CHST3: variants seen among roughly 807,000 people sequenced by gnomAD.
CHST3 encodes the protein C6ST-1.
A neutral mutation model predicts 35.4 loss-of-function variants in CHST3; 20 were observed. The ratio of observed to expected loss-of-function variants is 0.57; its 90% CI spans 0.40 to 0.82. The LOEUF (loss-of-function observed/expected upper bound fraction) is 0.82. CHST3 is among the 40% of genes least tolerant of loss of function. CHST3 has a pLI of 0.00. For synonymous variants in CHST3, 334 were observed against 295.9 expected, an observed-to-expected ratio of 1.13 and a Z score of -1.32; for missense variants, 693 against 670.1, an observed-to-expected ratio of 1.03 and a Z score of -0.38.
intron 1 of CHST3, among the ~76,000 whole-genome samples, chr10:71,988,905 G>GT (rs1839873358): frequency 6.6e-6 from 1 of 152,152 alleles, no homozygotes; most frequent in African/African-American, 2.4e-5. Flanking sequence ...GCTCACACCT[G>GT]TAATCCCAGC....
intron 1 of CHST3, among the ~76,000 whole-genome samples, chr10:72,004,506 AT>A (rs940674977): frequency 3.3e-5 from 5 of 152,022 alleles, no homozygotes; most frequent in African/African-American, 1.2e-4. Context: ...GCGCTATGAT[AT>A]TTTTTTCTTT....
At chr10:71,998,660 CT>C (rs1054247172) in intron 1 of CHST3, among the ~76,000 whole-genome samples, 2 of 152,234 alleles carry the variant, frequency 1.3e-5, no homozygotes, top group African/African-American at 4.8e-5. Flanking sequence ...AGCCCCACCC[CT>C]GCCAGGCTGG....
rs80205085 is a variant in CHST3 at position 71,974,946 on chromosome 10, C to G, written c.-108+10252C>G. Among the ~76,000 whole-genome samples the G allele has an allele frequency of 9.4e-3, 1,429 of 152,286 alleles. 43 individuals are homozygous for G. The highest frequency in any genetic ancestry group is 0.061 in the Admixed American group (932 of 15,300). ...AGTGGTGATGGGCATGAAGAGCTTC[C>G]AGAAGGGCTTCCATGCCAAGCCCTT... is the stretch of plus-strand genomic sequence containing the variant. On this transcript the variant is annotated intron_variant, in intron 1 of 2. Transcript: ENST00000373115.
At chr10:72,006,039 A>G in intron 2 of CHST3, 57 bp downstream of exon 2, 16 of 772,528 alleles carry the variant, frequency 2.1e-5, no homozygotes, top group Middle Eastern at 2.6e-4. Context: ...GGGTGGGGAC[A>G]GGGAGGTAAC....
rs1840099260 is a variant in CHST3, at chr10:72,010,567, C to G, written c.*2096C>G. 6.6e-6 allele frequency: 1 copy of G among 152,222 alleles called. No individual in the cohort carries two copies. Among genetic ancestry groups the G allele is most frequent in the Non-Finnish European group, 1.5e-5 (1 of 68,062 alleles). 9.4% of individuals were successfully genotyped at this position (152,222 alleles called of 1,614,324 possible). ...TCTGTCACTGTGGACTCCAGTCATT[C>G]AAGGAGGTCTCCACTCTTGGGTTTT... On this transcript the variant is annotated 3_prime_UTR_variant, in exon 3 of 3. Transcript: ENST00000373115.
chr10:72,007,667 G>A lies in CHST3; in HGVS notation c.636G>A (p.Glu212=), dbSNP rs1476784870. The stretch of plus-strand genomic sequence containing the variant: ...AGCACTTCATCACGCCGCTGCCCGA[G>A]GACCACCTGACTCAGTTCATGTTCC... ...VLEHFITPLP[E]DHLTQFMFRR... Residue 212 remains glutamate, a synonymous_variant, in exon 3 of 3, where the codon GAG becomes GAA. Transcript: ENST00000373115. 1 of 1,609,344 alleles carries A rather than the reference G, an allele frequency of 6.2e-7. No individual in the cohort carries two copies. The highest frequency in any genetic ancestry group is 1.1e-5 in the South Asian group (1 of 90,904).
rs375097897 is a variant in CHST3 at position 71,975,973 on chromosome 10, G to A, written c.-108+11279G>A. The stretch of plus-strand genomic sequence containing the variant: ...TGGCCTGAGCTCCCGCGGTAGAACC[G>A]AGACTCAAGTCTTCTTTCTGCAGGC... On this transcript the variant is annotated intron_variant, in intron 1 of 2. Coordinates refer to ENST00000373115, the MANE Select transcript of CHST3 (RefSeq NM_004273.5). Among the ~76,000 whole-genome samples the A allele has an allele frequency of 3.3e-4, 50 of 152,346 alleles. No individual in the cohort carries two copies. The East Asian group carries it at 7.7e-3, about 24-fold the overall frequency.
At chr10:71,999,780 G>A (rs747834830) in intron 1 of CHST3, among the ~76,000 whole-genome samples, 8 of 152,332 alleles carry the variant, frequency 5.3e-5, no homozygotes, top group Non-Finnish European at 7.3e-5. Context: ...GCCAAGTCAC[G>A]AGGGAGGCCT....
chr10:72,005,908 C>G lies in CHST3; in HGVS notation c.66C>G (p.Ser22Arg). 6.2e-7 allele frequency: 1 copy of G among 1,614,140 alleles called. No homozygotes were observed. Among genetic ancestry groups the G allele is most frequent in the Non-Finnish European group, 8.5e-7 (1 of 1,180,008 alleles). Residue 22 changes from serine (S) to arginine (R), a missense_variant, in exon 2 of 3, where the codon AGC becomes AGG. By Grantham distance (110) the Ser-to-Arg change is moderately radical. Transcript: ENST00000373115. ...TTGTGCACAGCCTGAAGATGAGAAG[C>G]AAATACGCCCTTTTCTTGGTTTTTG... ...RDFVHSLKMRSKYALFLVFVV... is the reference protein window; with the variant it reads ...RDFVHSLKMRRKYALFLVFVV...
In CHST3 at chr10:72,008,087, G is replaced by C. The variant is rs779966805; in HGVS notation, c.1056G>C (p.Ala352=). The C allele has an allele frequency of 1.2e-4, 185 of 1,545,464 alleles. No individual in the cohort carries two copies. Among genetic ancestry groups the C allele is most frequent in the Non-Finnish European group, 1.6e-4 (183 of 1,144,010 alleles). ...ACTGCGAGAGCATCCGCCTGTCCGC[G>C]GAGCTGGGGCTGCGGCAGCCCGCCT... ...RGNCESIRLS[A]ELGLRQPAWL... Residue 352 remains alanine (A), a synonymous_variant, in exon 3 of 3, where the codon GCG becomes GCC. Transcript: ENST00000373115.
chr10:72,004,892 G>C (rs906960908), intron 1 of CHST3, among the ~76,000 whole-genome samples: 3 of 152,206 alleles, frequency 2.0e-5, no homozygotes, highest in Non-Finnish European at 2.9e-5. Context: ...CACTTTGGGA[G>C]GCCGAGGCAG....
In CHST3 at chr10:72,010,877, C is replaced by T. The variant is rs1213660976; in HGVS notation, c.*2406C>T. The T allele has an allele frequency of 6.6e-6, 1 of 152,258 alleles. No homozygotes were observed. The highest frequency in any genetic ancestry group is 2.4e-5 in the African/African-American group (1 of 41,416). 9.4% of individuals were successfully genotyped at this position (152,258 alleles called of 1,614,324 possible). On this transcript the variant is annotated 3_prime_UTR_variant, in exon 3 of 3. Transcript: ENST00000373115. The stretch of plus-strand genomic sequence containing the variant: ...CCATCCAAGGCTCTTCCTAGGGGCC[C>T]TGCTAATGTGGACAGTAGACTTTAT...
chr10:72,011,316 G>C lies in CHST3; in HGVS notation c.*2845G>C, dbSNP rs932565615. 3 of 152,194 alleles carry C rather than the reference G, an allele frequency of 2.0e-5. No homozygotes were observed. The highest frequency in any genetic ancestry group is 4.4e-5 in the Non-Finnish European group (3 of 68,070). The allele number at this position is 152,194 out of a possible 1,614,324, so 9.4% of individuals were successfully genotyped here. Reference sequence around the variant, plus strand: ...ACCTCTGCCCGGGTGTTTGAGACAGGTCACAAGCGCGTGGATGTTTCCTGG... The same window carrying C: ...ACCTCTGCCCGGGTGTTTGAGACAGCTCACAAGCGCGTGGATGTTTCCTGG... On this transcript the variant is annotated 3_prime_UTR_variant, in exon 3 of 3. Transcript: ENST00000373115.
At chr10:71,968,260 A>G (rs180868745) in intron 1 of CHST3, among the ~76,000 whole-genome samples, 25 of 152,090 alleles carry the variant, frequency 1.6e-4, no homozygotes, top group African/African-American at 5.5e-4. Context: ...CCGTTTTTTC[A>G]TATGTTTGTT....
intron 1 of CHST3, among the ~76,000 whole-genome samples, chr10:71,977,649 C>T (rs1839759655): frequency 7.1e-6 from 1 of 140,834 alleles, no homozygotes; most frequent in Non-Finnish European, 1.6e-5. Flanking sequence ...TCTATGTTGC[C>T]CAGGCTGGAG....
At chr10:71,991,383 G>C (rs1386544686) in intron 1 of CHST3, among the ~76,000 whole-genome samples, 1 of 152,184 alleles carries the variant, frequency 6.6e-6, no homozygotes, top group Non-Finnish European at 1.5e-5. Flanking sequence ...CTTTCTTTGG[G>C]CAGTTGCCCT....
At chr10:71,985,297 C>T (rs1335111374) in intron 1 of CHST3, among the ~76,000 whole-genome samples, 1 of 152,266 alleles carries the variant, frequency 6.6e-6, no homozygotes, top group African/African-American at 2.4e-5. Context: ...CCGCTAGTCC[C>T]AGCTCCCCTC....
At chr10:72,004,497 C>A (rs929895331) in intron 1 of CHST3, among the ~76,000 whole-genome samples, 1 of 152,136 alleles carries the variant, frequency 6.6e-6, no homozygotes, top group Admixed American at 6.5e-5. Context: ...AGAATTTATG[C>A]GCTATGATAT....
chr10:71,988,807 T>G (rs1433849050), intron 1 of CHST3, among the ~76,000 whole-genome samples: 1 of 152,202 alleles, frequency 6.6e-6, no homozygotes, highest in Non-Finnish European at 1.5e-5. Context: ...CTCAGGATTC[T>G]TCTCATCAAA....
Sources: gnomAD v4.1 joint callset for allele counts (sites outside exome capture counted in the v4.1 genomes callset) on GRCh38, gnomAD v4.1.1 for gene constraint, MANE v1.5 for transcripts, NCBI Gene and HGNC (gene_info 2026-07-23, HGNC 2026-07-21) for gene names.